The following ABCA4 variants were observed in gnomAD, a reference collection of about 807,000 sequenced individuals.
ABCA4 encodes the protein ATP binding cassette subfamily A member 4, also known as retinal-specific phospholipid-transporting ATPase ABCA4.
ABCA4 carries 196 observed loss-of-function variants against 263.7 expected under a neutral mutation model. That is an observed-to-expected ratio of 0.74 (90% CI 0.66 to 0.84). ABCA4 has a LOEUF of 0.84. ABCA4 is among the 40% of genes least tolerant of loss of function. The pLI is 0.00. For missense variants in ABCA4, 2,792 were observed against 2,855.1 expected, an observed-to-expected ratio of 0.98 and a Z score of 0.50; for synonymous variants, 1,133 against 1,094.2, an observed-to-expected ratio of 1.04 and a Z score of -0.70.
chr1:93,997,039 C>T (rs1453028514), intron 48 of ABCA4, among the ~76,000 whole-genome samples: 1 of 152,128 alleles, frequency 6.6e-6, no homozygotes, highest in African/African-American at 2.4e-5. Flanking sequence ...TTCACTGAAG[C>T]AAGATGAAAG....
intron 6 of ABCA4, 76 bp downstream of exon 6, chr1:94,098,718 C>A (rs1398080115): frequency 6.5e-7 from 1 of 1,548,900 alleles, no homozygotes; most frequent in African/African-American, 1.4e-5. Flanking sequence ...TCACGCCCTC[C>A]CCAAGGTCAA....
At chr1:94,085,895 T>C (rs577080720) in intron 6 of ABCA4, among the ~76,000 whole-genome samples, 3 of 152,296 alleles carry the variant, frequency 2.0e-5, no homozygotes, top group African/African-American at 7.2e-5. Context: ...TGATGACCTA[T>C]GTGAGAAACA....
At chr1:94,014,437 C>A in intron 38 of ABCA4, 106 bp downstream of exon 38, 1 of 1,318,840 alleles carries the variant, frequency 7.6e-7, no homozygotes, top group Admixed American at 1.7e-5. Context: ...GGCACTCATC[C>A]GCATACAGCT....
chr1:94,006,581 T>A (rs569193392), intron 43 of ABCA4, among the ~76,000 whole-genome samples: 11 of 152,338 alleles, frequency 7.2e-5, no homozygotes, highest in Admixed American at 6.5e-4. Flanking sequence ...GCGTGGTCAC[T>A]TGCAGGTGAA....
Position 94,023,380 on chromosome 1 carries a change from T to A in ABCA4, c.4667+6A>T, listed in dbSNP as rs760131250. The A allele has an allele frequency of 4.0e-5, 64 of 1,602,968 alleles. No individual in the cohort carries two copies. Among genetic ancestry groups the A allele is most frequent in the Non-Finnish European group, 5.5e-5 (64 of 1,170,286 alleles). On this transcript the variant is annotated splice_donor_region_variant and intron_variant, in intron 32 of 49. Transcript: ENST00000370225. Reference sequence around the variant, plus strand: ...GATTTTAATTCTGATAAAAATAGTTTCTTACCTCTGTTCATTGACCCAGAA... The same window carrying A: ...GATTTTAATTCTGATAAAAATAGTTACTTACCTCTGTTCATTGACCCAGAA...
Position 94,055,228 on chromosome 1 carries a change from T to C in ABCA4, c.2470A>G (p.Ile824Val), listed in dbSNP as rs1660942758. The change falls in exon 16 of 50, where the codon ATC becomes GTC. Residue 824 changes from isoleucine (I) to valine (V), a missense_variant. Transcript: ENST00000370225. ...TCCCCTTCCGTGGGACTGTTCCCGA[T>C]GTTGCTCCACTGCAGCCCCAGGCCT... Reference protein sequence around the residue: ...EQGLGLQWSNIGNSPTEGDEF... With the variant: ...EQGLGLQWSNVGNSPTEGDEF... 6 of 1,614,008 alleles carry C rather than the reference T, an allele frequency of 3.7e-6. No homozygotes were observed. The highest frequency in any genetic ancestry group is 3.4e-6 in the Non-Finnish European group (4 of 1,180,020).
At position 94,083,353 on chromosome 1, in the gene ABCA4, T is replaced by C; in HGVS notation, c.857A>G (p.Glu286Gly). ...AATTACTACCATCAGGCTACTCACC[T>C]CTTGAATTCTTGGTGACATATCAGA... is the stretch of plus-strand genomic sequence containing the variant. ...ILSDMSPRIQ[E>G]FIHRPSMQDL... Residue 286 changes from glutamate to glycine, a missense_variant and splice_region_variant, in exon 7 of 50, where the codon GAG becomes GGG. By Grantham distance (98) the Glu-to-Gly change is moderately conservative. Coordinates refer to ENST00000370225, the MANE Select transcript of ABCA4 (RefSeq NM_000350.3). 1 of 1,602,932 alleles carries C rather than the reference T, an allele frequency of 6.2e-7. No individual in the cohort carries two copies. The highest frequency in any genetic ancestry group is 1.1e-5 in the South Asian group (1 of 90,876).
intron 15 of ABCA4, among the ~76,000 whole-genome samples, chr1:94,055,536 A>G (rs920965513): frequency 6.6e-6 from 1 of 152,142 alleles, no homozygotes; most frequent in African/African-American, 2.4e-5. Context: ...ATACAGTCAC[A>G]AAAAACATGA....
chr1:94,014,071 A>G (rs1490972292), intron 38 of ABCA4, among the ~76,000 whole-genome samples: 2 of 152,222 alleles, frequency 1.3e-5, no homozygotes, highest in Non-Finnish European at 2.9e-5. Flanking sequence ...ACCTTTCTGA[A>G]AGAGTAAGCA....
chr1:94,049,755 A>G (rs1660783183), intron 17 of ABCA4, among the ~76,000 whole-genome samples: 1 of 152,200 alleles, frequency 6.6e-6, no homozygotes, highest in Admixed American at 6.5e-5. Context: ...AATTAACACC[A>G]GGGTTGAGCC....
At chr1:94,060,396 G>A (rs932595938) in intron 14 of ABCA4, 141 bp downstream of exon 14, 15 of 790,092 alleles carry the variant, frequency 1.9e-5, no homozygotes, top group Non-Finnish European at 2.4e-5. Flanking sequence ...TGTCTCCCAC[G>A]TTGGCTAAAA....
chr1:94,015,691 C>G (rs1659713983), intron 37 of ABCA4, 48 bp downstream of exon 37: 2 of 1,492,612 alleles, frequency 1.3e-6, no homozygotes, highest in Non-Finnish European at 1.9e-6. Context: ...CCACCCCCAC[C>G]ACCAGGCTTC....
chr1:94,010,965 C>T (rs2101007813), intron 39 of ABCA4, 36 bp from the exon 40 acceptor site: 2 of 1,613,844 alleles, frequency 1.2e-6, no homozygotes, highest in East Asian at 4.5e-5. Flanking sequence ...ACTTCAGCCG[C>T]CCCAGCTCAC....
chr1:94,078,703 T>G lies in ABCA4; in HGVS notation c.1243A>C (p.Asn415His). ...PAARRILKNA[N>H]STFEELEHVR... ...TGTTCCAGTTCTTCAAAAGTTGAGTTGGCCTAAAACCAGACAGAGATCAAG... is the reference window on the plus strand; with the variant it reads ...TGTTCCAGTTCTTCAAAAGTTGAGTGGGCCTAAAACCAGACAGAGATCAAG... The change falls in exon 10 of 50, where the codon AAC becomes CAC. Residue 415 changes from asparagine to histidine, a missense_variant. Physicochemically the swap from Asn to His is moderately conservative, Grantham distance 68. Transcript: ENST00000370225. 6.2e-7 allele frequency: 1 copy of G among 1,611,384 alleles called. No individual in the cohort carries two copies. Among genetic ancestry groups the G allele is most frequent in the South Asian group, 1.1e-5 (1 of 91,046 alleles).
rs555466374 is a variant in ABCA4 at position 93,996,695 on chromosome 1, C to A, written c.6730-500G>T. The stretch of plus-strand genomic sequence containing the variant: ...CTAAAGATGTTTATTTTTAAAAAAA[C>A]ATATATAAAAACACAAAACCCAGAA... On this transcript the variant is annotated intron_variant, in intron 48 of 49. Coordinates refer to ENST00000370225, the MANE Select transcript of ABCA4 (RefSeq NM_000350.3). Among the ~76,000 whole-genome samples the A allele has an allele frequency of 8.6e-3, 1,309 of 151,986 alleles. 22 individuals carry two copies. The highest frequency in any genetic ancestry group is 0.026 in the African/African-American group (1,057 of 41,440).
At chr1:94,051,162 C>A (rs1173225104) in intron 17 of ABCA4, among the ~76,000 whole-genome samples, 1 of 152,230 alleles carries the variant, frequency 6.6e-6, no homozygotes, top group Non-Finnish European at 1.5e-5. Flanking sequence ...AAGATAACAG[C>A]TCTGCCTCAG....
chr1:94,012,843 C>T (rs1337084469), intron 38 of ABCA4, among the ~76,000 whole-genome samples: 1 of 150,144 alleles, frequency 6.7e-6, no homozygotes, highest in East Asian at 1.9e-4. Context: ...ACGAGTGGGC[C>T]ACGCTTGTTT....
rs552107972 is a variant in ABCA4 at position 94,079,804 on chromosome 1, C to T, written c.1100-343G>A. Among the ~76,000 whole-genome samples the T allele has an allele frequency of 3.3e-5, 5 of 152,272 alleles. No individual in the cohort carries two copies. The South Asian group carries it at 6.2e-4, about 19-fold the overall frequency. ...GGACTGAGAGGCCAAACAAGGCCCCCGCTTGGAATCTCAGCTTGAGCCTCA... is the reference window on the plus strand; with the variant it reads ...GGACTGAGAGGCCAAACAAGGCCCCTGCTTGGAATCTCAGCTTGAGCCTCA... On this transcript the variant is annotated intron_variant, in intron 8 of 49. Coordinates refer to ENST00000370225, the MANE Select transcript of ABCA4 (RefSeq NM_000350.3).
intron 6 of ABCA4, among the ~76,000 whole-genome samples, chr1:94,086,916 G>A (rs1661846739): frequency 1.3e-5 from 2 of 152,142 alleles, no homozygotes; most frequent in Admixed American, 1.3e-4. Context: ...ACCATAAGCT[G>A]GGTAAACAAC....
Sources: allele counts gnomAD v4.1 joint callset (sites outside exome capture counted in the v4.1 genomes callset), GRCh38; gene constraint gnomAD v4.1.1; transcripts MANE v1.5; gene names NCBI Gene and HGNC (gene_info 2026-07-23, HGNC 2026-07-21).